The following VWA3B variants were observed in gnomAD, a reference collection of about 807,000 sequenced individuals.
VWA3B encodes the protein von Willebrand factor A domain containing 3B.
VWA3B carries 138 observed loss-of-function variants against 158.3 expected under a neutral mutation model. The ratio of observed to expected loss-of-function variants is 0.87; its 90% CI spans 0.76 to 1.00. The LOEUF is 1.00. Ranked by LOEUF, VWA3B falls within the 50% of genes least tolerant of loss-of-function variation. VWA3B has a pLI of 0.00. For synonymous variants in VWA3B, 596 were observed against 587.3 expected (o/e 1.01, Z -0.21); for missense variants, 1,555 against 1,565.1 (o/e 0.99, Z 0.11).
chr2:98,158,944 A>G (rs796188682), intron 7 of VWA3B, among the ~76,000 whole-genome samples: 37 of 152,282 alleles, frequency 2.4e-4, no homozygotes, highest in African/African-American at 7.9e-4. Flanking sequence ...CCCACCCACT[A>G]CAGAGGAGAT....
intron 14 of VWA3B, among the ~76,000 whole-genome samples, chr2:98,220,302 T>C (rs1204786524): frequency 6.6e-6 from 1 of 151,842 alleles, no homozygotes; most frequent in Non-Finnish European, 1.5e-5. Flanking sequence ...GAGTCTATGC[T>C]AAGGAATAAA....
At chr2:98,166,818 A>ACACACACACACACACACACACT (rs1679116849) in intron 8 of VWA3B, among the ~76,000 whole-genome samples, 1 of 152,066 alleles carries the variant, frequency 6.6e-6, no homozygotes, top group Non-Finnish European at 1.5e-5. Context: ...ACACACACAC[A>ACACACACACACACACACACACT]CACACACTCA....
chr2:98,295,008 A>G (rs59162802), intron 23 of VWA3B, among the ~76,000 whole-genome samples: 1,745 of 152,130 alleles, frequency 0.011, 38 homozygotes, highest in African/African-American at 0.04. Context: ...TCCTCTTAGG[A>G]GTAGGGATAA....
At chr2:98,254,973 A>G (rs62156733) in intron 20 of VWA3B, among the ~76,000 whole-genome samples, 5,921 of 152,034 alleles carry the variant, frequency 0.039, 171 homozygotes, top group Middle Eastern at 0.075. Context: ...GAGCAGTAGC[A>G]TTCTCCTACC....
At chr2:98,178,769 G>A (rs1025359026) in intron 8 of VWA3B, among the ~76,000 whole-genome samples, 1 of 152,142 alleles carries the variant, frequency 6.6e-6, no homozygotes, top group Non-Finnish European at 1.5e-5. Context: ...TAGTGGATGG[G>A]ACTCAGGCAT....
At chr2:98,308,904 G>T (rs1340090334) in intron 26 of VWA3B, among the ~76,000 whole-genome samples, 1 of 152,174 alleles carries the variant, frequency 6.6e-6, no homozygotes, top group Admixed American at 6.5e-5. Flanking sequence ...GGGGGCAGTG[G>T]CTCATGCCTG....
chr2:98,272,173 C>T (rs576143762), intron 22 of VWA3B, among the ~76,000 whole-genome samples: 2 of 152,356 alleles, frequency 1.3e-5, no homozygotes, highest in South Asian at 4.1e-4. Flanking sequence ...CCCAACACAT[C>T]AGTCACAAGT....
intron 24 of VWA3B, 67 bp from the exon 25 acceptor site, chr2:98,300,012 C>G: frequency 6.3e-7 from 1 of 1,593,368 alleles, no homozygotes; most frequent in Admixed American, 1.8e-5. Context: ...TATTTTAAAA[C>G]TTGCTTATGT....
At chr2:98,321,564 G>A in the VWA3B span, among the ~76,000 whole-genome samples, 147 of 152,356 alleles carry the variant, frequency 9.6e-4, no homozygotes, top group Middle Eastern at 0.017. Context: ...GATGTGAGAC[G>A]TGGAGTGAAA....
intron 8 of VWA3B, among the ~76,000 whole-genome samples, chr2:98,174,471 G>A (rs1189324096): frequency 1.3e-5 from 2 of 152,194 alleles, no homozygotes; most frequent in East Asian, 3.8e-4. Context: ...ACTTCACTCA[G>A]TTCTTCCTCA....
intron 22 of VWA3B, among the ~76,000 whole-genome samples, chr2:98,272,054 C>T (rs1208251945): frequency 6.6e-6 from 1 of 152,200 alleles, no homozygotes; most frequent in African/African-American, 2.4e-5. Flanking sequence ...CCCACACATA[C>T]CAAGCGGCAG....
At chr2:98,239,578 T>C (rs560669051) in intron 19 of VWA3B, among the ~76,000 whole-genome samples, 5 of 151,990 alleles carry the variant, frequency 3.3e-5, no homozygotes, top group Admixed American at 6.6e-5. Flanking sequence ...GTAGTACTTT[T>C]AACTCTGAAC....
At chr2:98,212,211 T>C in intron 13 of VWA3B, 183 bp downstream of exon 13, 1 of 532,922 alleles carries the variant, frequency 1.9e-6, no homozygotes, top group Non-Finnish European at 3.3e-6. Flanking sequence ...CTGGAAACTC[T>C]GAGGAGAATT....
intron 12 of VWA3B, chr2:98,206,451 C>A (rs748181185): frequency 1.6e-5 from 5 of 306,196 alleles, no homozygotes; most frequent in Non-Finnish European, 3.4e-5. Flanking sequence ...GGTGACCCAG[C>A]ATTTGGGTGA....
At chr2:98,299,538 T>G (rs1024269959) in intron 24 of VWA3B, among the ~76,000 whole-genome samples, 1 of 152,190 alleles carries the variant, frequency 6.6e-6, no homozygotes, top group African/African-American at 2.4e-5. Flanking sequence ...GTCAGAGCAC[T>G]GGAACACAAC....
At chr2:98,239,238 T>TACTA in intron 19 of VWA3B, among the ~76,000 whole-genome samples, 1 of 152,208 alleles carries the variant, frequency 6.6e-6, no homozygotes, top group Non-Finnish European at 1.5e-5. Flanking sequence ...TACTACAGCC[T>TACTA]TTAGCCAACA....
At chr2:98,127,601 G>T (rs1241519009) in intron 5 of VWA3B, among the ~76,000 whole-genome samples, 5 of 116,976 alleles carry the variant, frequency 4.3e-5, no homozygotes, top group South Asian at 4.0e-4. Context: ...GGCGGGGGGG[G>T]GGGGGGTGTG....
intron 7 of VWA3B, among the ~76,000 whole-genome samples, chr2:98,152,818 G>A (rs967345908): frequency 2.6e-5 from 4 of 152,214 alleles, no homozygotes; most frequent in Non-Finnish European, 4.4e-5. Flanking sequence ...GGTGGGATGA[G>A]CACCCAGGCT....
intron 13 of VWA3B, 128 bp from the exon 14 acceptor site, chr2:98,217,718 A>C: frequency 1.3e-6 from 1 of 769,120 alleles, no homozygotes; most frequent in East Asian, 3.3e-5. Context: ...TGTTTTTAAG[A>C]AGCCACTCAC....
Sources: allele counts gnomAD v4.1 joint callset (sites outside exome capture counted in the v4.1 genomes callset), GRCh38; gene constraint gnomAD v4.1.1; transcripts MANE v1.5; gene names NCBI Gene and HGNC (gene_info 2026-07-23, HGNC 2026-07-21).